Variants in RABGAP1 observed in about 807,000 individuals in gnomAD.
RABGAP1 encodes the protein RAB GTPase activating protein 1.
RABGAP1 carries 23 observed loss-of-function variants against 137.6 expected under a neutral mutation model. The observed-to-expected ratio is 0.17, with a 90% CI of 0.12 to 0.24. RABGAP1 has a LOEUF of 0.24. Among genes scored for constraint, RABGAP1 ranks in the 10% least tolerant of loss-of-function variants. The pLI is 1.00. For missense variants in RABGAP1, 906 were observed against 1,275.8 expected (o/e 0.71, Z 4.42); for synonymous variants, 451 against 450.7 (o/e 1.00, Z -0.01).
chr9:122,946,926 T>G (rs1208604887), intron 1 of RABGAP1, among the ~76,000 whole-genome samples: 1 of 151,948 alleles, frequency 6.6e-6, no homozygotes, highest in African/African-American at 2.4e-5. Context: ...GTGGGGAGAG[T>G]ATGAACTTTG....
At chr9:122,978,573 T>C (rs1159560870) in intron 2 of RABGAP1, among the ~76,000 whole-genome samples, 2 of 152,200 alleles carry the variant, frequency 1.3e-5, no homozygotes, top group Non-Finnish European at 2.9e-5. Context: ...AGTTTGAGGC[T>C]GCAGTGAGCT....
intron 4 of RABGAP1, among the ~76,000 whole-genome samples, chr9:122,987,986 T>C (rs539896459): frequency 6.6e-6 from 1 of 152,348 alleles, no homozygotes; most frequent in African/African-American, 2.4e-5. Flanking sequence ...TGTGTGTTGA[T>C]TGTAGTAAAA....
At position 122,986,384 on chromosome 9, in the gene RABGAP1, C is replaced by G; in HGVS notation, c.555C>G (p.Thr185=). The G allele has an allele frequency of 6.2e-7, 1 of 1,614,084 alleles. No individual in the cohort carries two copies. The highest frequency in any genetic ancestry group is 8.5e-7 in the Non-Finnish European group (1 of 1,180,006). ...RSQCQISLDV[T]LSVPNVSEGI... is the part of the protein sequence containing the mutation. ...AGTGTCAGATTTCACTAGATGTTACCCTTTCAGTGCCGAATGTGTCTGAAG... is the reference window on the plus strand; with the variant it reads ...AGTGTCAGATTTCACTAGATGTTACGCTTTCAGTGCCGAATGTGTCTGAAG... The change falls in exon 4 of 26, where the codon ACC becomes ACG. Residue 185 remains threonine, a synonymous_variant. Coordinates refer to ENST00000373647, the MANE Select transcript of RABGAP1 (RefSeq NM_012197.4).
rs2132260139 is a variant in RABGAP1, at chr9:123,104,065, C to T, written c.*852C>T. On this transcript the variant is annotated 3_prime_UTR_variant, in exon 26 of 26. Transcript: ENST00000373647. ...ACAGTGTTTAAATTCCAGACTAGGA[C>T]TGCTGATCTGCACAATTTAATTATG... 1 of 152,034 alleles carries T rather than the reference C, an allele frequency of 6.6e-6. No individual in the cohort carries two copies. The highest frequency in any genetic ancestry group is 6.6e-5 in the Admixed American group (1 of 15,204). 9.4% of individuals were successfully genotyped at this position (152,034 alleles called of 1,614,324 possible). A position where few individuals can be genotyped will look rare whatever the true frequency, so the allele number is the denominator to read the frequency against.
intron 2 of RABGAP1, among the ~76,000 whole-genome samples, chr9:122,972,426 A>C (rs1835517184): frequency 1.3e-5 from 2 of 152,098 alleles, no homozygotes; most frequent in Admixed American, 1.3e-4. Flanking sequence ...ACTGGACTTG[A>C]GTAGGATGGC....
At chr9:122,964,856 A>C (rs949407510) in intron 2 of RABGAP1, among the ~76,000 whole-genome samples, 1 of 152,004 alleles carries the variant, frequency 6.6e-6, no homozygotes, top group Non-Finnish European at 1.5e-5. Flanking sequence ...AATTAGCTGA[A>C]TGTGGTGGCA....
rs549691684 is a variant in RABGAP1 at position 123,087,914 on chromosome 9, AAGTT to A, written c.2425-1841_2425-1838del. On this transcript the variant is annotated intron_variant, in intron 19 of 25. Transcript: ENST00000373647. The stretch of plus-strand genomic sequence containing the variant: ...TTATTTCTTCATCTGTAAAATAAGA[AAGTT>A]AGAGTGGAGTAGATCTGAGAGTCCT... Among the ~76,000 whole-genome samples, 112 of 152,288 alleles carry A rather than the reference AAGTT, an allele frequency of 7.4e-4. 1 individual carries two copies. Among genetic ancestry groups the A allele is most frequent in the African/African-American group, 2.6e-3 (107 of 41,550 alleles).
At chr9:123,040,509 G>A (rs540977210) in intron 13 of RABGAP1, among the ~76,000 whole-genome samples, 3 of 152,154 alleles carry the variant, frequency 2.0e-5, no homozygotes, top group East Asian at 1.9e-4. Context: ...GACATATTAC[G>A]GTATTTCTTT....
At chr9:122,947,346 G>A (rs1470228722) in intron 1 of RABGAP1, among the ~76,000 whole-genome samples, 1 of 152,154 alleles carries the variant, frequency 6.6e-6, no homozygotes, top group Non-Finnish European at 1.5e-5. Context: ...AGAGAATAGG[G>A]AATTAGTGTT....
intron 16 of RABGAP1, 142 bp downstream of exon 16, chr9:123,073,819 C>G (rs924743895): frequency 3.5e-6 from 4 of 1,152,410 alleles, no homozygotes; most frequent in Non-Finnish European, 3.7e-6. Flanking sequence ...TCCTTTATCA[C>G]TATGTGATTA....
In RABGAP1 at chr9:123,015,536, A is replaced by G. The variant is rs777488559; in HGVS notation, c.1550-7A>G. On this transcript the variant is annotated splice_region_variant and splice_polypyrimidine_tract_variant and intron_variant, in intron 11 of 25. Coordinates refer to ENST00000373647, the MANE Select transcript of RABGAP1 (RefSeq NM_012197.4). ...GTTACCGTTTTTGTGTGTTTTGTTTATTATAGATAATGATGAACCTCTCCT... is the reference window on the plus strand; with the variant it reads ...GTTACCGTTTTTGTGTGTTTTGTTTGTTATAGATAATGATGAACCTCTCCT... 53 of 1,586,272 alleles carry G rather than the reference A, an allele frequency of 3.3e-5. No individual in the cohort carries two copies. Among genetic ancestry groups the G allele is most frequent in the East Asian group, 4.5e-5 (2 of 44,490 alleles).
At chr9:123,056,868 A>G (rs1372780754) in intron 13 of RABGAP1, among the ~76,000 whole-genome samples, 1 of 152,236 alleles carries the variant, frequency 6.6e-6, no homozygotes, top group African/African-American at 2.4e-5. Flanking sequence ...AAAGTCTCCC[A>G]TGTCTACTTT....
Position 122,957,074 on chromosome 9 carries a change from T to C in RABGAP1, c.15T>C (p.Ala5=). MDDK[A]SVGKISVSSD... is the part of the protein sequence containing the mutation. ...ATTCTTGAGTTATGGATGACAAGGC[T>C]TCTGTTGGAAAAATCAGTGTCTCTT... is the stretch of plus-strand genomic sequence containing the variant. The change falls in exon 2 of 26, where the codon GCT becomes GCC. Residue 5 remains alanine, a synonymous_variant. Coordinates refer to ENST00000373647, the MANE Select transcript of RABGAP1 (RefSeq NM_012197.4). 3 of 1,522,006 alleles carry C rather than the reference T, an allele frequency of 2.0e-6. No homozygotes were observed. The highest frequency in any genetic ancestry group is 1.8e-6 in the Non-Finnish European group (2 of 1,117,570). 94.3% of individuals were successfully genotyped at this position (1,522,006 alleles called of 1,614,324 possible). A position where few individuals can be genotyped will look rare whatever the true frequency, so the allele number is the denominator to read the frequency against.
At chr9:122,943,940 G>A (rs1833774080) in intron 1 of RABGAP1, among the ~76,000 whole-genome samples, 1 of 151,276 alleles carries the variant, frequency 6.6e-6, no homozygotes, top group African/African-American at 2.4e-5. Context: ...GCGACAGAGT[G>A]AGACTCCGTC....
intron 10 of RABGAP1, 52 bp downstream of exon 10, chr9:122,998,818 C>A: frequency 8.2e-7 from 1 of 1,213,246 alleles, no homozygotes; most frequent in Non-Finnish European, 1.1e-6. Context: ...GGAGAAATCA[C>A]GTCTGAGGCT....
intron 10 of RABGAP1, among the ~76,000 whole-genome samples, chr9:123,006,798 G>A (rs181718584): frequency 9.2e-4 from 140 of 152,020 alleles, no homozygotes; most frequent in African/African-American, 3.2e-3. Flanking sequence ...AAATAGAGAC[G>A]AGGTTTTACC....
chr9:123,014,975 G>C (rs1042976145), intron 11 of RABGAP1, among the ~76,000 whole-genome samples: 2 of 152,078 alleles, frequency 1.3e-5, no homozygotes, highest in African/African-American at 4.8e-5. Flanking sequence ...CCATGATTCA[G>C]TTACCTCCCT....
chr9:123,076,612 A>G (rs746386562), intron 18 of RABGAP1, 22 bp from the exon 19 acceptor site: 5 of 1,577,854 alleles, frequency 3.2e-6, no homozygotes, highest in African/African-American at 1.4e-5. Context: ...TTTTTTCTAT[A>G]TGTGTTTGTA....
At chr9:122,973,934 C>T (rs563298477) in intron 2 of RABGAP1, among the ~76,000 whole-genome samples, 2 of 151,756 alleles carry the variant, frequency 1.3e-5, no homozygotes, top group African/African-American at 2.4e-5. Flanking sequence ...TGCTTGAACC[C>T]GGGAGGCGGA....
Sources: gnomAD v4.1 joint callset for allele counts (sites outside exome capture counted in the v4.1 genomes callset) on GRCh38, gnomAD v4.1.1 for gene constraint, MANE v1.5 for transcripts, NCBI Gene and HGNC (gene_info 2026-07-23, HGNC 2026-07-21) for gene names.